Variants in RYR2 observed in about 807,000 individuals in gnomAD.
RYR2 encodes ryanodine receptor 2.
A neutral mutation model predicts 601.1 loss-of-function variants in RYR2; 227 were observed. The observed-to-expected ratio is 0.38, with a 90% CI of 0.34 to 0.42. The LOEUF (loss-of-function observed/expected upper bound fraction) is 0.42, where lower values mean the gene tolerates loss of function less well. Ranked by LOEUF, RYR2 falls within the 10% of genes least tolerant of loss-of-function variation. RYR2 has a pLI of 1.00. For synonymous variants in RYR2, 2,223 were observed against 2,175.1 expected, an observed-to-expected ratio of 1.02 and a Z score of -0.61; for missense variants, 4,646 against 6,156.5, an observed-to-expected ratio of 0.75 and a Z score of 8.21.
At chr1:237,710,820 A>T (rs1201441533) in intron 70 of RYR2, among the ~76,000 whole-genome samples, 1 of 152,000 alleles carries the variant, frequency 6.6e-6, no homozygotes, top group Non-Finnish European at 1.5e-5. Context: ...TGACAGAGCC[A>T]GACCCTGTCC....
intron 1 of RYR2, among the ~76,000 whole-genome samples, chr1:237,112,023 G>A (rs1669532329): frequency 6.6e-6 from 1 of 152,328 alleles, no homozygotes; most frequent in East Asian, 1.9e-4. Flanking sequence ...ACCCTAGTGG[G>A]TAGTTGGAGG....
intron 16 of RYR2, among the ~76,000 whole-genome samples, chr1:237,460,962 C>T (rs1443401099): frequency 6.6e-6 from 1 of 152,124 alleles, no homozygotes; most frequent in African/African-American, 2.4e-5. Flanking sequence ...CTTTTGTCTC[C>T]AACCTCTTGC....
chr1:237,609,173 T>C (rs1677516539), intron 35 of RYR2, among the ~76,000 whole-genome samples: 1 of 112,964 alleles, frequency 8.9e-6, no homozygotes. Context: ...TCTCCTTCCC[T>C]CCCTCCCTTC....
chr1:237,618,387 T>G (rs1268356682), intron 38 of RYR2, among the ~76,000 whole-genome samples: 10 of 152,070 alleles, frequency 6.6e-5, no homozygotes, highest in Non-Finnish European at 1.3e-4. Flanking sequence ...TAAGTACAAC[T>G]AAAACCCTGG....
At chr1:237,778,253 A>T (rs1314354329) in intron 87 of RYR2, among the ~76,000 whole-genome samples, 1 of 152,136 alleles carries the variant, frequency 6.6e-6, no homozygotes. Context: ...ACTATTTAGG[A>T]GTAAGAGGTA....
intron 24 of RYR2, among the ~76,000 whole-genome samples, chr1:237,514,193 G>A (rs1287478863): frequency 6.6e-6 from 1 of 152,180 alleles, no homozygotes; most frequent in African/African-American, 2.4e-5. Flanking sequence ...AAAGGTCAAG[G>A]TCTAACATAA....
intron 2 of RYR2, among the ~76,000 whole-genome samples, chr1:237,281,863 A>G (rs1690911566): frequency 6.6e-6 from 1 of 152,220 alleles, no homozygotes; most frequent in African/African-American, 2.4e-5. Context: ...TAGGGGAAGG[A>G]GAAGCTGTTA....
chr1:237,513,262 C>G (rs1459253889), intron 24 of RYR2, among the ~76,000 whole-genome samples: 2 of 152,152 alleles, frequency 1.3e-5, no homozygotes, highest in Non-Finnish European at 2.9e-5. Flanking sequence ...TTTTGCAAAG[C>G]CAGTAACTTT....
chr1:237,655,700 A>T lies in RYR2; in HGVS notation c.7966-121A>T, dbSNP rs1257424322. On this transcript the variant is annotated intron_variant, in intron 52 of 104. Coordinates refer to ENST00000366574, the MANE Select transcript of RYR2 (RefSeq NM_001035.3). The stretch of plus-strand genomic sequence containing the variant: ...CATTTTCTGGAAAAAGAATGATCAG[A>T]GAGTTCAGTTAGTCCAGGGTAATTC... 6 of 816,472 alleles carry T rather than the reference A, an allele frequency of 7.3e-6. No individual in the cohort carries two copies. In the Admixed American group the frequency reaches 1.8e-4, roughly 24 times the overall value. 50.6% of individuals were successfully genotyped at this position (816,472 alleles called of 1,614,324 possible). A position where few individuals can be genotyped will look rare whatever the true frequency, so the allele number is the denominator to read the frequency against.
intron 29 of RYR2, among the ~76,000 whole-genome samples, chr1:237,573,082 G>A (rs1328586810): frequency 6.6e-6 from 1 of 152,096 alleles, no homozygotes; most frequent in Non-Finnish European, 1.5e-5. Flanking sequence ...CTGTCTTTAT[G>A]TCTGTATCAT....
At chr1:237,168,424 T>C (rs1463816877) in intron 1 of RYR2, among the ~76,000 whole-genome samples, 1 of 152,142 alleles carries the variant, frequency 6.6e-6, no homozygotes, top group Non-Finnish European at 1.5e-5. Context: ...AAACTTTGAT[T>C]GATGGTTTCT....
chr1:237,686,918 C>G (rs911873644), intron 62 of RYR2, among the ~76,000 whole-genome samples: 2 of 152,076 alleles, frequency 1.3e-5, no homozygotes, highest in African/African-American at 4.8e-5. Context: ...TGGATGCTTA[C>G]GTTACGTAAG....
At chr1:237,804,052 A>G (rs922443530) in intron 98 of RYR2, among the ~76,000 whole-genome samples, 6 of 152,128 alleles carry the variant, frequency 3.9e-5, no homozygotes, top group Admixed American at 3.9e-4. Flanking sequence ...TAAAAAAGAG[A>G]CCATGTGTGC....
intron 8 of RYR2, among the ~76,000 whole-genome samples, chr1:237,379,274 G>A (rs1701264207): frequency 6.6e-6 from 1 of 152,102 alleles, no homozygotes; most frequent in Admixed American, 6.6e-5. Flanking sequence ...GAGTTTATTT[G>A]ACAGGATGGC....
intron 10 of RYR2, among the ~76,000 whole-genome samples, chr1:237,396,621 C>T (rs1006951838): frequency 6.6e-6 from 1 of 152,182 alleles, no homozygotes; most frequent in African/African-American, 2.4e-5. Flanking sequence ...TTCTGCAAGG[C>T]ATCTCTCTTC....
chr1:237,120,168 T>A (rs1184275573), intron 1 of RYR2, among the ~76,000 whole-genome samples: 2 of 150,818 alleles, frequency 1.3e-5, no homozygotes, highest in Non-Finnish European at 2.9e-5. Context: ...TTAATAGTCA[T>A]TTTTTTTTAT....
intron 68 of RYR2, 39 bp from the exon 69 acceptor site, chr1:237,708,819 G>T: frequency 6.4e-7 from 1 of 1,564,440 alleles, no homozygotes; most frequent in Non-Finnish European, 8.7e-7. Flanking sequence ...TTAATGAATG[G>T]TTTTACAGAG....
rs1293820772 is a variant in RYR2 at position 237,594,913 on chromosome 1, T to G, written c.4437-585T>G. 1.9e-3 allele frequency among the ~76,000 whole-genome samples: 143 copies of G among 74,654 alleles called. 4 individuals carry two copies. The highest frequency in any genetic ancestry group is 4.4e-3 in the African/African-American group (123 of 27,884). 49.0% of individuals were successfully genotyped at this position (74,654 alleles called of 152,430 possible). On this transcript the variant is annotated intron_variant, in intron 33 of 104. Transcript: ENST00000366574. ...TTTTTTTTTTTTTTTTTTTTTTTTT[T>G]TTTTTTTTTTTTTTTTTTGCATATT... is the stretch of plus-strand genomic sequence containing the variant.
intron 12 of RYR2, among the ~76,000 whole-genome samples, chr1:237,437,895 A>G (rs528870765): frequency 3.3e-5 from 5 of 152,306 alleles, no homozygotes; most frequent in African/African-American, 7.2e-5. Context: ...TAATGCTAAG[A>G]TTAGGAGGAT....
Sources: gnomAD v4.1 joint callset for allele counts (sites outside exome capture counted in the v4.1 genomes callset) on GRCh38, gnomAD v4.1.1 for gene constraint, MANE v1.5 for transcripts, NCBI Gene and HGNC (gene_info 2026-07-23, HGNC 2026-07-21) for gene names.